The following SLC5A3 variants were observed in gnomAD, a reference collection of about 807,000 sequenced individuals.
SLC5A3 encodes the protein sodium/myo-inositol cotransporter.
In SLC5A3, 10 loss-of-function variants were observed where a neutral mutation model predicts 43.2. That is an observed-to-expected ratio of 0.23 (90% CI 0.14 to 0.39). The LOEUF (loss-of-function observed/expected upper bound fraction) is 0.39, where lower values mean the gene tolerates loss of function less well. SLC5A3 is among the 10% of genes least tolerant of loss of function. The probability of loss-of-function intolerance (pLI) is 1.00; values close to 1 mark genes in which losing one functional copy is unlikely to be tolerated. For synonymous variants in SLC5A3, 349 were observed against 322.0 expected (o/e 1.08, Z -0.90); for missense variants, 608 against 893.4 (o/e 0.68, Z 4.07).
chr21:34,074,517 C>A (rs138686056), intron 1 of SLC5A3, among the ~76,000 whole-genome samples: 1 of 152,186 alleles, frequency 6.6e-6, no homozygotes, highest in African/African-American at 2.4e-5. Context: ...AGCGAACCAG[C>A]GGCCCCTTTC....
At position 34,100,165 on chromosome 21, in the gene SLC5A3, C is replaced by G. The variant is rs1185091283; in HGVS notation, c.*2810C>G. 1.0e-6 allele frequency: 1 copy of G among 999,862 alleles called. No individual in the cohort carries two copies. Among genetic ancestry groups the G allele is most frequent in the African/African-American group, 1.7e-5 (1 of 57,206 alleles). 61.9% of individuals were successfully genotyped at this position (999,862 alleles called of 1,614,324 possible). On this transcript the variant is annotated 3_prime_UTR_variant, in exon 2 of 2. Transcript: ENST00000381151. ...TAAAAGTCAAAATGAGGTGAGGACA[C>G]TGGTCTTGGAAGGTAGAGAAAAATA...
rs753208384 is a variant in SLC5A3, at chr21:34,096,344, C to G, written c.1146C>G (p.Ile382Met). The change falls in exon 2 of 2, where the codon ATC (isoleucine) becomes ATG (methionine). Residue 382 changes from isoleucine (I) to methionine (M), a missense_variant. This residue lies in a region of SLC5A3 where 398 missense variants were observed against 668.6 expected (regional missense o/e 0.60). Coordinates refer to ENST00000381151, the MANE Select transcript of SLC5A3 (RefSeq NM_006933.7). This position sits in a 1 kb window ranked among gnomAD's most constrained non-coding sequence, Gnocchi z 5.9. ...IAALMSDLDS[I>M]FNSASTIFTL... is the part of the protein sequence containing the mutation. ...CTCTGATGAGTGACTTAGACTCTAT[C>G]TTTAACAGTGCCAGTACCATATTCA... The G allele has an allele frequency of 3.7e-6, 6 of 1,614,136 alleles. No homozygotes were observed. Among genetic ancestry groups the G allele is most frequent in the Admixed American group, 1.7e-5 (1 of 60,014 alleles).
chr21:34,097,500 A>G lies in SLC5A3; in HGVS notation c.*145A>G, dbSNP rs1979021840. The G allele has an allele frequency of 7.0e-7, 1 of 1,420,850 alleles. No homozygotes were observed. Among genetic ancestry groups the G allele is most frequent in the Non-Finnish European group, 9.2e-7 (1 of 1,086,022 alleles). The allele number at this position is 1,420,850 out of a possible 1,614,324, so 88.0% of individuals were successfully genotyped here. On this transcript the variant is annotated 3_prime_UTR_variant, in exon 2 of 2. Coordinates refer to ENST00000381151, the MANE Select transcript of SLC5A3 (RefSeq NM_006933.7). ...CTTAGCAGAAAATCATCTAATTACAAGACTTTATTTTCCCAGAGATGGATT... is the reference window on the plus strand; with the variant it reads ...CTTAGCAGAAAATCATCTAATTACAGGACTTTATTTTCCCAGAGATGGATT...
At chr21:34,092,340 T>G (rs1040122200) in intron 1 of SLC5A3, among the ~76,000 whole-genome samples, 13 of 130,324 alleles carry the variant, frequency 1.0e-4, no homozygotes, top group African/African-American at 3.9e-4. Context: ...GGTCTCTGCA[T>G]GTGTTTTGTT....
Position 34,101,081 on chromosome 21 carries a change from A to C in SLC5A3, c.*3726A>C, listed in dbSNP as rs1329034473. 1.0e-6 allele frequency: 1 copy of C among 1,000,010 alleles called. No homozygotes were observed. Among genetic ancestry groups the C allele is most frequent in the Admixed American group, 6.2e-5 (1 of 16,242 alleles). The allele number at this position is 1,000,010 out of a possible 1,614,324, so 61.9% of individuals were successfully genotyped here. ...AGATGTATACAAGACCTTTCCTGTT[A>C]AATTACGTGACTACAGAGACTTGCC... is the stretch of plus-strand genomic sequence containing the variant. On this transcript the variant is annotated 3_prime_UTR_variant, in exon 2 of 2. Transcript: ENST00000381151.
chr21:34,095,511 G>C lies in SLC5A3; in HGVS notation c.313G>C (p.Gly105Arg). Reference protein sequence around the residue: ...WVFIPIYIRSGVYTMPEYLSK... With the variant: ...WVFIPIYIRSRVYTMPEYLSK... ...TTTCATCCCAATTTACATCCGGTCA[G>C]GGGTATATACCATGCCTGAATACTT... is the stretch of plus-strand genomic sequence containing the variant. Residue 105 changes from glycine to arginine, a missense_variant, in exon 2 of 2, where the codon GGG (glycine) becomes CGG (arginine). By Grantham distance (125) the Gly-to-Arg change is moderately radical. Coordinates refer to ENST00000381151, the MANE Select transcript of SLC5A3 (RefSeq NM_006933.7). The C allele has an allele frequency of 1.9e-6, 3 of 1,613,984 alleles. No homozygotes were observed. The highest frequency in any genetic ancestry group is 2.5e-6 in the Non-Finnish European group (3 of 1,179,998).
At chr21:34,086,349 A>G (rs1978376440) in intron 1 of SLC5A3, among the ~76,000 whole-genome samples, 1 of 152,174 alleles carries the variant, frequency 6.6e-6, no homozygotes, top group Non-Finnish European at 1.5e-5. Flanking sequence ...GCATGCGTCC[A>G]TTTTGAAGTC....
At chr21:34,089,914 C>T (rs961457005) in intron 1 of SLC5A3, among the ~76,000 whole-genome samples, 3 of 152,180 alleles carry the variant, frequency 2.0e-5, no homozygotes, top group Non-Finnish European at 2.9e-5. Flanking sequence ...TAAAACATTA[C>T]GGTACAGGTT....
Position 34,099,702 on chromosome 21 carries a change from G to C in SLC5A3, c.*2347G>C. 1 of 998,044 alleles carries C rather than the reference G, an allele frequency of 1.0e-6. No homozygotes were observed. The highest frequency in any genetic ancestry group is 1.1e-4 in the East Asian group (1 of 8,810). 61.8% of individuals were successfully genotyped at this position (998,044 alleles called of 1,614,324 possible). A position where few individuals can be genotyped will look rare whatever the true frequency, so the allele number is the denominator to read the frequency against. ...GCTCTTGTCTTAGTAAGATACATAAGGTACATCATCTTGTGTCTGTGTGTA... is the reference window on the plus strand; with the variant it reads ...GCTCTTGTCTTAGTAAGATACATAACGTACATCATCTTGTGTCTGTGTGTA... On this transcript the variant is annotated 3_prime_UTR_variant, in exon 2 of 2. Coordinates refer to ENST00000381151, the MANE Select transcript of SLC5A3 (RefSeq NM_006933.7).
At chr21:34,081,057 T>C (rs914324153) in intron 1 of SLC5A3, among the ~76,000 whole-genome samples, 2 of 152,176 alleles carry the variant, frequency 1.3e-5, no homozygotes, top group Non-Finnish European at 2.9e-5. Flanking sequence ...TTGGGAAGAC[T>C]TGATAAAAGG....
Position 34,105,317 on chromosome 21 carries a change from T to C in SLC5A3, c.*7962T>C, listed in dbSNP as rs946196592. ...ACTTCTCAGTGCTTTCTTTTTTCTT[T>C]TTGATAAGATGGATATCAAAAATAG... is the stretch of plus-strand genomic sequence containing the variant. On this transcript the variant is annotated 3_prime_UTR_variant, in exon 2 of 2. Transcript: ENST00000381151. 1 of 1,000,014 alleles carries C rather than the reference T, an allele frequency of 1.0e-6. No individual in the cohort carries two copies. The highest frequency in any genetic ancestry group is 1.2e-6 in the Non-Finnish European group (1 of 829,796). The allele number at this position is 1,000,014 out of a possible 1,614,324, so 61.9% of individuals were successfully genotyped here.
chr21:34,097,465 C>A lies in SLC5A3; in HGVS notation c.*110C>A. The A allele has an allele frequency of 6.9e-7, 1 of 1,451,836 alleles. No homozygotes were observed. Among genetic ancestry groups the A allele is most frequent in the Non-Finnish European group, 9.1e-7 (1 of 1,102,298 alleles). 89.9% of individuals were successfully genotyped at this position (1,451,836 alleles called of 1,614,324 possible). ...GCATTGTTTACGCTGTAGGTTTTAG[C>A]CAAATTTTACTTAGCAGAAAATCAT... On this transcript the variant is annotated 3_prime_UTR_variant, in exon 2 of 2. Coordinates refer to ENST00000381151, the MANE Select transcript of SLC5A3 (RefSeq NM_006933.7).
intron 1 of SLC5A3, 113 bp downstream of exon 1, chr21:34,073,858 G>C (rs1256110084): frequency 3.6e-6 from 2 of 553,654 alleles, no homozygotes; most frequent in South Asian, 7.5e-5. Context: ...TGCACTCCTC[G>C]GAGGAGGCCG....
chr21:34,102,827 A>C lies in SLC5A3; in HGVS notation c.*5472A>C. ...CCATGATACTGAAGCTTTTCCCCTC[A>C]CTTCTAGGTTGTTTACATTCAGAGC... On this transcript the variant is annotated 3_prime_UTR_variant, in exon 2 of 2. Coordinates refer to ENST00000381151, the MANE Select transcript of SLC5A3 (RefSeq NM_006933.7). 1.0e-6 allele frequency: 1 copy of C among 1,000,088 alleles called. No individual in the cohort carries two copies. The highest frequency in any genetic ancestry group is 1.2e-6 in the Non-Finnish European group (1 of 829,906). The allele number at this position is 1,000,088 out of a possible 1,614,324, so 62.0% of individuals were successfully genotyped here. A position where few individuals can be genotyped will look rare whatever the true frequency, so the allele number is the denominator to read the frequency against.
At chr21:34,087,156 T>C (rs997684583) in intron 1 of SLC5A3, among the ~76,000 whole-genome samples, 2 of 152,220 alleles carry the variant, frequency 1.3e-5, no homozygotes, top group African/African-American at 4.8e-5. Context: ...GAGATTTTTA[T>C]CTGAATGAAC....
In SLC5A3 at chr21:34,096,288, C is replaced by T. The variant is rs181200062; in HGVS notation, c.1090C>T (p.Arg364Trp). Residue 364 changes from arginine (R) to tryptophan (W), a missense_variant, in exon 2 of 2, where the codon CGG becomes TGG. Arg to Trp is a moderately radical substitution (Grantham distance 101). Around this residue, in one of 2 missense-constraint regions of SLC5A3, gnomAD observed 398 missense variants for 668.6 expected, o/e 0.60. Transcript: ENST00000381151. The surrounding 1 kb of genome is among the most constrained non-coding windows in gnomAD (Gnocchi z 5.9). ...GATGAAGCTGGTTCCTGTGGGCCTT[C>T]GGGGTTTAATGATGGCAGTGATGAT... ...LVMKLVPVGL[R>W]GLMMAVMIAA... 1.9e-6 allele frequency: 3 copies of T among 1,614,066 alleles called. No homozygotes were observed. Among genetic ancestry groups the T allele is most frequent in the Non-Finnish European group, 2.5e-6 (3 of 1,179,988 alleles).
In SLC5A3 at chr21:34,102,860, A is replaced by G. The variant is rs1338362279; in HGVS notation, c.*5505A>G. On this transcript the variant is annotated 3_prime_UTR_variant, in exon 2 of 2. Coordinates refer to ENST00000381151, the MANE Select transcript of SLC5A3 (RefSeq NM_006933.7). ...GTTGTTTACATTCAGAGCTCTATCA[A>G]TAAGAGGAATACATATTACAGTGAA... The G allele has an allele frequency of 1.0e-5, 10 of 999,928 alleles. No homozygotes were observed. Among genetic ancestry groups the G allele is most frequent in the East Asian group, 1.1e-4 (1 of 8,836 alleles). The allele number at this position is 999,928 out of a possible 1,614,324, so 61.9% of individuals were successfully genotyped here.
chr21:34,096,771 A>G lies in SLC5A3; in HGVS notation c.1573A>G (p.Ile525Val), dbSNP rs757979616. The G allele has an allele frequency of 6.2e-7, 1 of 1,614,088 alleles. No individual in the cohort carries two copies. The highest frequency in any genetic ancestry group is 2.2e-5 in the East Asian group (1 of 44,884). Residue 525 changes from isoleucine to valine, a missense_variant, in exon 2 of 2, where the codon ATT becomes GTT. Ile to Val is a conservative substitution (Grantham distance 29, BLOSUM62 3). Around this residue, in one of 2 missense-constraint regions of SLC5A3, gnomAD observed 398 missense variants for 668.6 expected, o/e 0.60. Coordinates refer to ENST00000381151, the MANE Select transcript of SLC5A3 (RefSeq NM_006933.7). This position sits in a 1 kb window ranked among gnomAD's most constrained non-coding sequence, Gnocchi z 5.9. ...ATGLFWVTGL[I>V]TVIVSLLTPP... ...AGGATTGTTTTGGGTCACGGGACTC[A>G]TTACTGTAATTGTGAGCCTTCTCAC...
Position 34,100,894 on chromosome 21 carries a change from CA to C in SLC5A3, c.*3542del. On this transcript the variant is annotated 3_prime_UTR_variant, in exon 2 of 2. Transcript: ENST00000381151. ...ATTAGCTACTCAGTTACTTGCTACT[CA>C]AAGGTTAGGTCTTCCCTGTTCCTGC... The C allele has an allele frequency of 2.0e-6, 2 of 1,000,158 alleles. No individual in the cohort carries two copies. The highest frequency in any genetic ancestry group is 2.4e-6 in the Non-Finnish European group (2 of 829,936). The allele number at this position is 1,000,158 out of a possible 1,614,324, so 62.0% of individuals were successfully genotyped here. A position where few individuals can be genotyped will look rare whatever the true frequency, so the allele number is the denominator to read the frequency against.
Sources: gnomAD v4.1 joint callset for allele counts (sites outside exome capture counted in the v4.1 genomes callset) on GRCh38, gnomAD v4.1.1 for gene constraint, gnomAD v4.1.1 regional missense constraint, Gnocchi (gnomAD v3.1) non-coding constraint, MANE v1.5 for transcripts, NCBI Gene and HGNC (gene_info 2026-07-23, HGNC 2026-07-21) for gene names.